PEX11A: variants seen among roughly 807,000 people sequenced by gnomAD.
PEX11A encodes the protein peroxisomal biogenesis factor 11 alpha.
Under a neutral mutation model 14.4 loss-of-function variants are expected in PEX11A, and 13 were observed. The ratio of observed to expected loss-of-function variants is 0.90; its 90% CI spans 0.59 to 1.43. The LOEUF (loss-of-function observed/expected upper bound fraction) is 1.43. PEX11A is among the 40% of genes most tolerant of loss of function. The pLI is 0.00. For missense variants in PEX11A, 290 were observed against 302.8 expected, an observed-to-expected ratio of 0.96 and a Z score of 0.31; for synonymous variants, 101 against 113.0, an observed-to-expected ratio of 0.89 and a Z score of 0.67.
chr15:89,683,786 G>C lies in PEX11A; in HGVS notation c.335C>G (p.Ser112Cys), dbSNP rs1411366903. The C allele has an allele frequency of 1.2e-6, 2 of 1,614,048 alleles. No homozygotes were observed. Among genetic ancestry groups the C allele is most frequent in the East Asian group, 4.5e-5 (2 of 44,890 alleles). The change falls in exon 3 of 3, where the codon TCT becomes TGT. Residue 112 changes from serine to cysteine, a missense_variant. Coordinates refer to ENST00000300056, the MANE Select transcript of PEX11A (RefSeq NM_003847.3). Reference sequence around the variant, plus strand: ...TCGCCATTTCTCTTTGTTGATGCCAGAGGTGAGACCTACGCTCCTCACCCA... The same window carrying C: ...TCGCCATTTCTCTTTGTTGATGCCACAGGTGAGACCTACGCTCCTCACCCA... The part of the protein sequence containing the change: ...ILWVRSVGLT[S>C]GINKEKWRTR...
chr15:89,689,202 G>A (rs147364475), intron 1 of PEX11A, among the ~76,000 whole-genome samples: 281 of 148,736 alleles, frequency 1.9e-3, no homozygotes, highest in African/African-American at 6.8e-3. Flanking sequence ...GGGCACTGGA[G>A]TCATTTGCGT....
At chr15:89,687,850 A>G (rs1166022235) in intron 1 of PEX11A, 4 of 384,358 alleles carry the variant, frequency 1.0e-5, no homozygotes, top group Non-Finnish European at 2.0e-5. Context: ...GGCCAACAGT[A>G]AGACATTACT....
intron 1 of PEX11A, among the ~76,000 whole-genome samples, chr15:89,688,816 T>C (rs1430087388): frequency 1.3e-5 from 2 of 148,352 alleles, no homozygotes; most frequent in Non-Finnish European, 3.0e-5. Context: ...CCTGGGCTCA[T>C]GCCATTCTCC....
At position 89,687,895 on chromosome 15, in the gene PEX11A, G is replaced by A. The variant is rs556698580; in HGVS notation, c.57-1349C>T. The A allele has an allele frequency of 4.3e-4, 197 of 459,188 alleles. 1 individual carries two copies. Among genetic ancestry groups the A allele is most frequent in the Middle Eastern group, 3.1e-3 (4 of 1,272 alleles). 28.4% of individuals were successfully genotyped at this position (459,188 alleles called of 1,614,324 possible). A position where few individuals can be genotyped will look rare whatever the true frequency, so the allele number is the denominator to read the frequency against. The stretch of plus-strand genomic sequence containing the variant: ...TTATTTTTGAAGTGAACATAAACTC[G>A]ATTTTATTGTCTTCATAATAAAACA... On this transcript the variant is annotated intron_variant, in intron 1 of 2. Coordinates refer to ENST00000300056, the MANE Select transcript of PEX11A (RefSeq NM_003847.3).
At chr15:89,689,531 A>T (rs1426920703) in intron 1 of PEX11A, among the ~76,000 whole-genome samples, 1 of 152,244 alleles carries the variant, frequency 6.6e-6, no homozygotes, top group Non-Finnish European at 1.5e-5. Flanking sequence ...TCTCTAAAAC[A>T]TCATGAACTA....
At chr15:89,684,809 G>A (rs184911435) in intron 2 of PEX11A, among the ~76,000 whole-genome samples, 2 of 152,252 alleles carry the variant, frequency 1.3e-5, no homozygotes, top group African/African-American at 2.4e-5. Context: ...TAAATGTCAC[G>A]GAGGATACAA....
Position 89,683,220 on chromosome 15 carries a change from G to T in PEX11A, c.*157C>A. ...AACTCTTCATGCTCCTCCCTTCTCC[G>T]TTCTTGGCCTCATCTCTGCCCACAT... On this transcript the variant is annotated 3_prime_UTR_variant, in exon 3 of 3. Coordinates refer to ENST00000300056, the MANE Select transcript of PEX11A (RefSeq NM_003847.3). 3.1e-6 allele frequency: 2 copies of T among 639,238 alleles called. No individual in the cohort carries two copies. The highest frequency in any genetic ancestry group is 1.8e-5 in the African/African-American group (1 of 55,270). The allele number at this position is 639,238 out of a possible 1,614,324, so 39.6% of individuals were successfully genotyped here.
Position 89,682,892 on chromosome 15 carries a change from G to A in PEX11A, c.*485C>T. 1 of 158,632 alleles carries A rather than the reference G, an allele frequency of 6.3e-6. No homozygotes were observed. The highest frequency in any genetic ancestry group is 1.4e-5 in the Non-Finnish European group (1 of 72,200). The allele number at this position is 158,632 out of a possible 1,614,324, so 9.8% of individuals were successfully genotyped here. ...GATGGTATAAGGGCCAACAAGTTGA[G>A]AGGCTGTAAGCCCAGCTCTCCTCCA... On this transcript the variant is annotated 3_prime_UTR_variant, in exon 3 of 3. Coordinates refer to ENST00000300056, the MANE Select transcript of PEX11A (RefSeq NM_003847.3).
At position 89,683,394 on chromosome 15, in the gene PEX11A, T is replaced by A. The variant is rs764053160; in HGVS notation, c.727A>T (p.Lys243Ter). 8.1e-6 allele frequency: 13 copies of A among 1,612,444 alleles called. No individual in the cohort carries two copies. The highest frequency in any genetic ancestry group is 1.0e-5 in the Non-Finnish European group (12 of 1,179,214). The change falls in exon 3 of 3, where the codon AAG (lysine) becomes TAG (stop). Residue 243 changes from lysine to a stop codon, truncating the protein, a stop_gained. Transcript: ENST00000300056. LOFTEE classifies it high-confidence loss of function. ...AAAACACCCTAACGGGTCTTCAGCTTCATCTGAGGATATGCCACAGTGATC... is the reference window on the plus strand; with the variant it reads ...AAAACACCCTAACGGGTCTTCAGCTACATCTGAGGATATGCCACAGTGATC... ...GMITVAYPQMKLKTR is the reference protein window; with the variant it reads ...GMITVAYPQM
chr15:89,688,166 C>A, intron 1 of PEX11A: 3 of 539,808 alleles, frequency 5.6e-6, no homozygotes, highest in Non-Finnish European at 1.1e-5. Flanking sequence ...AGAATCCTTG[C>A]TCTTCTTGTA....
chr15:89,684,461 T>G (rs531525777), intron 2 of PEX11A, among the ~76,000 whole-genome samples: 29 of 152,324 alleles, frequency 1.9e-4, no homozygotes, highest in Non-Finnish European at 3.4e-4. Flanking sequence ...GAAGGTACTA[T>G]GATAACATGA....
At chr15:89,686,331 C>G in intron 2 of PEX11A, 100 bp downstream of exon 2, 1 of 645,024 alleles carries the variant, frequency 1.6e-6, no homozygotes, top group Non-Finnish European at 2.8e-6. Flanking sequence ...ACTTGATTGA[C>G]TAGAAATTAA....
Position 89,684,776 on chromosome 15 carries a change from C to G in PEX11A, c.173-828G>C, listed in dbSNP as rs116149277. Among the ~76,000 whole-genome samples, 804 of 152,256 alleles carry G rather than the reference C, an allele frequency of 5.3e-3. 7 individuals carry two copies. Among genetic ancestry groups the G allele is most frequent in the Middle Eastern group, 0.034 (10 of 294 alleles). ...CAATCAATAGGTACTTACTGAACAC[C>G]TTCTGAGAAAGAGTTATAGTACTAA... On this transcript the variant is annotated intron_variant, in intron 2 of 2. Transcript: ENST00000300056.
intron 1 of PEX11A, 21 bp from the exon 2 acceptor site, chr15:89,686,567 T>C (rs777179048): frequency 1.0e-6 from 1 of 999,430 alleles, no homozygotes; most frequent in East Asian, 2.4e-5. Context: ...AAAAAAAAAA[T>C]TGAGAAGAAT....
intron 2 of PEX11A, among the ~76,000 whole-genome samples, chr15:89,685,730 C>T (rs1452908540): frequency 6.6e-6 from 1 of 152,066 alleles, no homozygotes; most frequent in Non-Finnish European, 1.5e-5. Flanking sequence ...CCTTACTTCT[C>T]CCATAAGGCT....
In PEX11A at chr15:89,686,544, G is replaced by A; in HGVS notation, c.59C>T (p.Ala20Val). The A allele has an allele frequency of 7.1e-7, 1 of 1,409,742 alleles. No homozygotes were observed. Among genetic ancestry groups the A allele is most frequent in the Non-Finnish European group, 9.9e-7 (1 of 1,011,614 alleles). The allele number at this position is 1,409,742 out of a possible 1,614,324, so 87.3% of individuals were successfully genotyped here. Residue 20 changes from alanine (A) to valine (V), a missense_variant and splice_region_variant, in exon 2 of 3, where the codon GCC (alanine) becomes GTC (valine). Transcript: ENST00000300056. ...QTQGRDRLFR[A>V]TQYTCMLLRY... is the part of the protein sequence containing the mutation. The stretch of plus-strand genomic sequence containing the variant: ...AAGCAACATGCATGTGTACTGAGTG[G>A]CTCTGAAATGGAAAAAAAAAAATTG...
chr15:89,684,072 G>A (rs1400244444), intron 2 of PEX11A, 124 bp from the exon 3 acceptor site: 9 of 669,352 alleles, frequency 1.3e-5, no homozygotes, highest in Non-Finnish European at 2.3e-5. Context: ...GTCTTGCTCT[G>A]TCACACCGGC....
At chr15:89,687,113 G>T (rs543909658) in intron 1 of PEX11A, among the ~76,000 whole-genome samples, 2 of 152,002 alleles carry the variant, frequency 1.3e-5, no homozygotes, top group African/African-American at 4.8e-5. Context: ...TAATAGACAC[G>T]GGGTTGTGCC....
chr15:89,684,169 GGGATTAT>G (rs1319057020), intron 2 of PEX11A, among the ~76,000 whole-genome samples: 1 of 152,156 alleles, frequency 6.6e-6, no homozygotes, highest in Non-Finnish European at 1.5e-5. Context: ...CCGAGTAGCT[GGGATTAT>G]AGGCACGAGC....
Sources: gnomAD v4.1 joint callset for allele counts (sites outside exome capture counted in the v4.1 genomes callset) on GRCh38, gnomAD v4.1.1 for gene constraint, MANE v1.5 for transcripts, NCBI Gene and HGNC (gene_info 2026-07-23, HGNC 2026-07-21) for gene names.